PREX1: variants seen among roughly 807,000 people sequenced by gnomAD.
The protein encoded by PREX1 is phosphatidylinositol-3,4,5-trisphosphate dependent Rac exchange factor 1, also known as phosphatidylinositol 3,4,5-trisphosphate-dependent Rac exchanger 1 protein.
PREX1 carries 41 observed loss-of-function variants against 198.3 expected under a neutral mutation model. That is an observed-to-expected ratio of 0.21 (90% CI 0.16 to 0.27). The LOEUF (loss-of-function observed/expected upper bound fraction) is 0.27. Among genes scored for constraint, PREX1 ranks in the 10% least tolerant of loss-of-function variants. The pLI, the probability that PREX1 is intolerant of heterozygous loss-of-function variation, is 1.00. For missense variants in PREX1, 1,620 were observed against 2,200.7 expected, an observed-to-expected ratio of 0.74 and a Z score of 5.28; for synonymous variants, 843 against 887.2, an observed-to-expected ratio of 0.95 and a Z score of 0.89.
At chr20:48,659,286 G>T (rs187085899) in intron 16 of PREX1, among the ~76,000 whole-genome samples, 1 of 131,342 alleles carries the variant, frequency 7.6e-6, no homozygotes, top group Non-Finnish European at 1.6e-5. Flanking sequence ...GAGAGAGAAA[G>T]AAGAAAAGAA....
At chr20:48,864,533 A>G in the PREX1 span, among the ~76,000 whole-genome samples, 2 of 152,248 alleles carry the variant, frequency 1.3e-5, no homozygotes, top group Non-Finnish European at 2.9e-5. Flanking sequence ...TCAATTTTGC[A>G]GATGAGAAAA....
chr20:48,875,861 G>T, the PREX1 span, among the ~76,000 whole-genome samples: 9 of 152,170 alleles, frequency 5.9e-5, no homozygotes, highest in Admixed American at 2.0e-4. Flanking sequence ...CCAAGGCGGG[G>T]TGTTTGGAAC....
At chr20:48,725,643 A>C (rs187817761) in intron 5 of PREX1, among the ~76,000 whole-genome samples, 1 of 152,344 alleles carries the variant, frequency 6.6e-6, no homozygotes, top group Admixed American at 6.5e-5. Flanking sequence ...TGTGGGACCT[A>C]GTGATTGGTT....
At chr20:48,842,037 G>C in the PREX1 span, among the ~76,000 whole-genome samples, 1 of 152,092 alleles carries the variant, frequency 6.6e-6, no homozygotes, top group Non-Finnish European at 1.5e-5. Context: ...ATCATTGCGT[G>C]TATATCTCTG....
At chr20:48,631,867 C>T (rs2089316668) in intron 35 of PREX1, among the ~76,000 whole-genome samples, 1 of 152,134 alleles carries the variant, frequency 6.6e-6, no homozygotes, top group Non-Finnish European at 1.5e-5. Flanking sequence ...CTCTTCTGAG[C>T]AGCCAAGACC....
the PREX1 span, among the ~76,000 whole-genome samples, chr20:48,849,634 A>C: frequency 6.6e-6 from 1 of 152,220 alleles, no homozygotes; most frequent in South Asian, 2.1e-4. Flanking sequence ...AGATCTTTCC[A>C]CATCCACACT....
At chr20:48,844,836 C>A in the PREX1 span, among the ~76,000 whole-genome samples, 5 of 152,180 alleles carry the variant, frequency 3.3e-5, no homozygotes, top group African/African-American at 1.2e-4. Context: ...TAGCAAAAGT[C>A]ATCTTGATGG....
At position 48,636,614 on chromosome 20, in the gene PREX1, G is replaced by C. The variant is rs1309855773; in HGVS notation, c.4016C>G (p.Ser1339Cys). The change falls in exon 32 of 40, where the codon TCC becomes TGC. Residue 1339 changes from serine to cysteine, a missense_variant. Transcript: ENST00000371941. ...GCCCAGGGCCGCCAGCAGCTGCTTG[G>C]AGAAGGTGCACACGGCGGCCACCAG... The part of the protein sequence containing the change: ...QALVAAVCTF[S>C]KQLLAALGYR... 1 of 1,611,714 alleles carries C rather than the reference G, an allele frequency of 6.2e-7. No homozygotes were observed. The highest frequency in any genetic ancestry group is 8.5e-7 in the Non-Finnish European group (1 of 1,179,584).
intron 1 of PREX1, among the ~76,000 whole-genome samples, chr20:48,811,135 G>A (rs183564988): frequency 3.3e-5 from 5 of 152,048 alleles, no homozygotes; most frequent in Non-Finnish European, 7.4e-5. Flanking sequence ...ATAGGTTTTT[G>A]TATGAAATGT....
chr20:48,745,376 A>G (rs2090103048), intron 2 of PREX1, among the ~76,000 whole-genome samples: 1 of 152,250 alleles, frequency 6.6e-6, no homozygotes. Flanking sequence ...AGAACTTTAT[A>G]CGCATTCATA....
intron 9 of PREX1, among the ~76,000 whole-genome samples, chr20:48,690,699 A>G (rs56298635): frequency 0.22 from 33,946 of 152,174 alleles, 4,439 homozygotes; most frequent in South Asian, 0.38. Context: ...CTAATGCTTA[A>G]GGGTGAAGAC....
intron 1 of PREX1, among the ~76,000 whole-genome samples, chr20:48,767,347 G>A (rs946624721): frequency 6.6e-6 from 1 of 152,234 alleles, no homozygotes; most frequent in East Asian, 1.9e-4. Context: ...CCCGAGGAGG[G>A]AGGGGAGATG....
intron 4 of PREX1, among the ~76,000 whole-genome samples, chr20:48,730,583 T>C (rs2122714234): frequency 6.6e-6 from 1 of 151,902 alleles, no homozygotes; most frequent in Admixed American, 6.6e-5. Context: ...CCTTCTGGAG[T>C]GATGGGAATG....
At chr20:48,654,890 G>T (rs553978829) in intron 19 of PREX1, among the ~76,000 whole-genome samples, 1 of 152,346 alleles carries the variant, frequency 6.6e-6, no homozygotes, top group East Asian at 1.9e-4. Flanking sequence ...CCTTTCGGCT[G>T]GATCCGGCCA....
chr20:48,711,619 T>A (rs1336263723), intron 5 of PREX1, among the ~76,000 whole-genome samples: 1 of 152,188 alleles, frequency 6.6e-6, no homozygotes, highest in Non-Finnish European at 1.5e-5. Flanking sequence ...GAACCAAGTA[T>A]CCTCATTTCA....
Position 48,627,971 on chromosome 20 carries a change from A to C in PREX1, c.4767-8T>G, listed in dbSNP as rs780547209. On this transcript the variant is annotated splice_polypyrimidine_tract_variant and splice_region_variant and intron_variant, in intron 37 of 39. Transcript: ENST00000371941. ...GACACGCTCAGGGTGCTCCTGCAGC[A>C]GGGGAGGGAGGACAGCGGGTTGGCG... is the stretch of plus-strand genomic sequence containing the variant. 7.8e-7 allele frequency: 1 copy of C among 1,286,220 alleles called. No individual in the cohort carries two copies. The highest frequency in any genetic ancestry group is 1.1e-6 in the Non-Finnish European group (1 of 938,416). The allele number at this position is 1,286,220 out of a possible 1,614,324, so 79.7% of individuals were successfully genotyped here. A position where few individuals can be genotyped will look rare whatever the true frequency, so the allele number is the denominator to read the frequency against.
Position 48,649,359 on chromosome 20 carries a change from G to A in PREX1, c.3246C>T (p.Leu1082=), listed in dbSNP as rs377075422. 6.2e-7 allele frequency: 1 copy of A among 1,614,170 alleles called. No individual in the cohort carries two copies. The highest frequency in any genetic ancestry group is 2.2e-5 in the East Asian group (1 of 44,876). ...TCAGGGCCACATCCAGCTTGGTGAAGAGCTGCAGGTAGGCATCCTGGATCT... is the reference window on the plus strand; with the variant it reads ...TCAGGGCCACATCCAGCTTGGTGAAAAGCTGCAGGTAGGCATCCTGGATCT... ...DREIQDAYLQ[L]FTKLDVALKE... The change falls in exon 25 of 40, where the codon CTC becomes CTT. Residue 1082 remains leucine, a synonymous_variant. Coordinates refer to ENST00000371941, the MANE Select transcript of PREX1 (RefSeq NM_020820.4).
intron 14 of PREX1, among the ~76,000 whole-genome samples, chr20:48,668,886 C>T (rs988304228): frequency 6.5e-4 from 99 of 152,252 alleles, no homozygotes; most frequent in African/African-American, 2.3e-3. Flanking sequence ...AGATGGGAGG[C>T]CCGGCAGGCA....
intron 16 of PREX1, among the ~76,000 whole-genome samples, chr20:48,658,769 T>C (rs1281423374): frequency 6.6e-6 from 1 of 152,124 alleles, no homozygotes; most frequent in Non-Finnish European, 1.5e-5. Flanking sequence ...TTAAAGCACT[T>C]AATGGGATAG....
Sources: allele counts gnomAD v4.1 joint callset (sites outside exome capture counted in the v4.1 genomes callset), GRCh38; gene constraint gnomAD v4.1.1; transcripts MANE v1.5; gene names NCBI Gene and HGNC (gene_info 2026-07-23, HGNC 2026-07-21).